Variants in KHDRBS2 observed in about 807,000 individuals in gnomAD.
KHDRBS2 encodes KH domain-containing, RNA-binding, signal transduction-associated protein 2.
In KHDRBS2, 26 loss-of-function variants were observed where a neutral mutation model predicts 44.3. That is an observed-to-expected ratio of 0.59 (90% CI 0.43 to 0.81). The LOEUF is 0.81. Ranked by LOEUF, KHDRBS2 falls within the 40% of genes least tolerant of loss-of-function variation. The probability of loss-of-function intolerance (pLI) is 0.00; values close to 1 mark genes in which losing one functional copy is unlikely to be tolerated. For missense variants in KHDRBS2, 476 were observed against 433.1 expected (o/e 1.10, Z -0.88); for synonymous variants, 194 against 151.1 (o/e 1.28, Z -2.08).
the KHDRBS2 span, among the ~76,000 whole-genome samples, chr6:61,642,844 T>G: frequency 6.6e-6 from 1 of 152,148 alleles, no homozygotes; most frequent in African/African-American, 2.4e-5. Flanking sequence ...GAAAATACAT[T>G]TTATTACTTT....
chr6:62,163,768 T>A (rs1818134186), intron 2 of KHDRBS2, among the ~76,000 whole-genome samples: 1 of 152,062 alleles, frequency 6.6e-6, no homozygotes, highest in African/African-American at 2.4e-5. Context: ...GGAAAACCAC[T>A]TACATATTTT....
intron 1 of KHDRBS2, among the ~76,000 whole-genome samples, chr6:62,217,656 T>C (rs552961608): frequency 7.2e-5 from 11 of 152,012 alleles, no homozygotes; most frequent in African/African-American, 2.4e-4. Flanking sequence ...TCAACTGATG[T>C]CTTGATTAGA....
intron 3 of KHDRBS2, among the ~76,000 whole-genome samples, chr6:61,997,671 C>A (rs752703364): frequency 2.0e-5 from 3 of 152,150 alleles, no homozygotes; most frequent in Non-Finnish European, 2.9e-5. Context: ...AGCTATGGAT[C>A]CTCCTAATCC....
chr6:61,901,153 G>T, intron 5 of KHDRBS2, 91 bp downstream of exon 5: 2 of 1,224,506 alleles, frequency 1.6e-6, no homozygotes, highest in Non-Finnish European at 2.3e-6. Context: ...GGCTGATGTT[G>T]TTGTTTACTG....
chr6:62,217,410 T>C (rs1051788294), intron 1 of KHDRBS2, among the ~76,000 whole-genome samples: 2 of 151,958 alleles, frequency 1.3e-5, no homozygotes, highest in African/African-American at 4.8e-5. Flanking sequence ...AGTAAACATA[T>C]ATAATTTATT....
the KHDRBS2 span, among the ~76,000 whole-genome samples, chr6:61,562,545 C>A: frequency 6.6e-6 from 1 of 152,102 alleles, no homozygotes; most frequent in Non-Finnish European, 1.5e-5. Context: ...TTTATTCTCT[C>A]TTTGAAATGT....
rs150195003 is a variant in KHDRBS2, at chr6:62,233,182, G to A, written c.91+52676C>T. ...TGTGAAGGAGGCTCAGATGCCAGAG[G>A]AAAATCTGGCTTCCATTGAAAAGAA... is the stretch of plus-strand genomic sequence containing the variant. On this transcript the variant is annotated intron_variant, in intron 1 of 8. Transcript: ENST00000281156. Among the ~76,000 whole-genome samples, 3 of 152,224 alleles carry A rather than the reference G, an allele frequency of 2.0e-5. No individual in the cohort carries two copies. The East Asian group carries it at 5.8e-4, about 29-fold the overall frequency.
At chr6:61,948,897 A>C (rs1194785305) in intron 4 of KHDRBS2, among the ~76,000 whole-genome samples, 1 of 151,892 alleles carries the variant, frequency 6.6e-6, no homozygotes, top group African/African-American at 2.4e-5. Flanking sequence ...TAAAGCCTTT[A>C]TGCCCCACTT....
At chr6:61,585,224 A>T in the KHDRBS2 span, among the ~76,000 whole-genome samples, 2 of 152,152 alleles carry the variant, frequency 1.3e-5, no homozygotes, top group African/African-American at 2.4e-5. Flanking sequence ...AAAAATGTTC[A>T]GTAAAACTAG....
At chr6:61,755,764 C>A (rs1248549578) in intron 6 of KHDRBS2, among the ~76,000 whole-genome samples, 1 of 146,698 alleles carries the variant, frequency 6.8e-6, no homozygotes, top group Non-Finnish European at 1.5e-5. Context: ...AAGGCCATTG[C>A]ACTCCAGCCT....
chr6:61,632,581 T>C, the KHDRBS2 span, among the ~76,000 whole-genome samples: 4 of 152,156 alleles, frequency 2.6e-5, no homozygotes, highest in Non-Finnish European at 4.4e-5. Context: ...TTTCAGGCAA[T>C]TGATTGTGAA....
chr6:61,771,231 C>A (rs1202093295), intron 6 of KHDRBS2, among the ~76,000 whole-genome samples: 2 of 152,206 alleles, frequency 1.3e-5, no homozygotes, highest in Non-Finnish European at 2.9e-5. Flanking sequence ...ACTGCAAAAA[C>A]ATGCCAAATC....
At chr6:62,268,276 A>C (rs1381745831) in intron 1 of KHDRBS2, among the ~76,000 whole-genome samples, 4 of 152,068 alleles carry the variant, frequency 2.6e-5, no homozygotes, top group Non-Finnish European at 4.4e-5. Flanking sequence ...ATATTCTGTC[A>C]GTCTAGATCA....
rs542867625 is a variant in KHDRBS2 at position 61,729,145 on chromosome 6, C to T, written c.893+3537G>A. Among the ~76,000 whole-genome samples, 53 of 152,170 alleles carry T rather than the reference C, an allele frequency of 3.5e-4. No individual in the cohort carries two copies. In the South Asian group the frequency reaches 0.011, roughly 31 times the overall value. On this transcript the variant is annotated intron_variant, in intron 7 of 8. Transcript: ENST00000281156. ...ATATACACCATGGAATACTAGGCAG[C>T]CATAAAAAAGAATGAGATCATGTCC...
the KHDRBS2 span, among the ~76,000 whole-genome samples, chr6:61,653,749 G>A: frequency 6.6e-6 from 1 of 152,016 alleles, no homozygotes; most frequent in African/African-American, 2.4e-5. Context: ...TGCAAGGATA[G>A]TTACTTGGCT....
chr6:61,604,367 A>G, the KHDRBS2 span, among the ~76,000 whole-genome samples: 1 of 152,146 alleles, frequency 6.6e-6, no homozygotes, highest in East Asian at 1.9e-4. Context: ...TCCAACTTTT[A>G]TCCCTCATGG....
intron 6 of KHDRBS2, among the ~76,000 whole-genome samples, chr6:61,866,892 A>G (rs1797880051): frequency 6.6e-6 from 1 of 152,194 alleles, no homozygotes; most frequent in South Asian, 2.1e-4. Context: ...ATCTGAGATA[A>G]TCTCAGCCTG....
chr6:61,942,983 G>A (rs1346231329), intron 4 of KHDRBS2, among the ~76,000 whole-genome samples: 1 of 140,094 alleles, frequency 7.1e-6, no homozygotes, highest in Non-Finnish European at 1.6e-5. Flanking sequence ...GAGGGAGGGG[G>A]AGGTAGGGAA....
intron 3 of KHDRBS2, among the ~76,000 whole-genome samples, chr6:62,033,557 A>C (rs114075925): frequency 7.6e-4 from 116 of 151,916 alleles, no homozygotes; most frequent in African/African-American, 2.6e-3. Context: ...AGACTAGCTT[A>C]ACATATTTGA....
Sources: allele counts gnomAD v4.1 joint callset (sites outside exome capture counted in the v4.1 genomes callset), GRCh38; gene constraint gnomAD v4.1.1; transcripts MANE v1.5; gene names NCBI Gene and HGNC (gene_info 2026-07-23, HGNC 2026-07-21).